The following GRIK3 variants were observed in gnomAD, a reference collection of about 807,000 sequenced individuals.
GRIK3 encodes the protein glutamate receptor ionotropic, kainate 3.
GRIK3 carries 29 observed loss-of-function variants against 102.5 expected under a neutral mutation model. That is an observed-to-expected ratio of 0.28 (90% confidence interval 0.21 to 0.39). The LOEUF is 0.39. Among genes scored for constraint, GRIK3 ranks in the 10% least tolerant of loss-of-function variants. GRIK3 has a pLI of 1.00. For synonymous variants in GRIK3, 511 were observed against 504.9 expected, an observed-to-expected ratio of 1.01 and a Z score of -0.16; for missense variants, 908 against 1,252.4, an observed-to-expected ratio of 0.73 and a Z score of 4.15.
intron 10 of GRIK3, among the ~76,000 whole-genome samples, chr1:36,832,002 C>T (rs911915304): frequency 1.1e-4 from 16 of 152,100 alleles, no homozygotes; most frequent in African/African-American, 3.4e-4. Flanking sequence ...TAGTGAATGC[C>T]GACTTCTGCT....
chr1:37,028,259 G>C (rs1642783940), intron 1 of GRIK3, among the ~76,000 whole-genome samples: 3 of 152,124 alleles, frequency 2.0e-5, no homozygotes, highest in Non-Finnish European at 4.4e-5. Context: ...CAATGTCTTT[G>C]AGGACAGCCT....
At chr1:36,851,222 C>T (rs904266086) in intron 8 of GRIK3, among the ~76,000 whole-genome samples, 1 of 152,220 alleles carries the variant, frequency 6.6e-6, no homozygotes, top group Non-Finnish European at 1.5e-5. Context: ...AAGAGAGCTG[C>T]GCAGAGCAGA....
At chr1:36,841,639 C>T (rs1640451543) in intron 10 of GRIK3, 97 bp downstream of exon 10, 3 of 1,026,398 alleles carry the variant, frequency 2.9e-6, no homozygotes, top group African/African-American at 1.6e-5. Context: ...GTCCCCAGGG[C>T]CTTTTTCTGC....
At chr1:37,008,990 A>G (rs1265438198) in intron 1 of GRIK3, among the ~76,000 whole-genome samples, 3 of 152,012 alleles carry the variant, frequency 2.0e-5, no homozygotes, top group Admixed American at 6.5e-5. Flanking sequence ...GTCAAATCCA[A>G]TCTCCACCAT....
chr1:36,859,361 A>G, intron 6 of GRIK3, 110 bp from the exon 7 acceptor site: 1 of 1,227,918 alleles, frequency 8.1e-7, no homozygotes, highest in South Asian at 1.5e-5. Context: ...TGTCCTGGTG[A>G]GCGAACAGGC....
intron 1 of GRIK3, among the ~76,000 whole-genome samples, chr1:37,009,739 A>G (rs1404315361): frequency 2.0e-5 from 3 of 152,180 alleles, no homozygotes; most frequent in Non-Finnish European, 4.4e-5. Flanking sequence ...TGAATCCATA[A>G]TGCATCGCAT....
At chr1:36,845,978 G>A (rs376528797) in intron 9 of GRIK3, among the ~76,000 whole-genome samples, 2 of 152,228 alleles carry the variant, frequency 1.3e-5, no homozygotes, top group African/African-American at 4.8e-5. Flanking sequence ...ATACCCGTGT[G>A]TAGCTGGTCC....
chr1:37,010,050 G>T (rs1019727590), intron 1 of GRIK3, among the ~76,000 whole-genome samples: 2 of 152,178 alleles, frequency 1.3e-5, no homozygotes, highest in Admixed American at 6.5e-5. Flanking sequence ...TGTATTTACC[G>T]ACATCTTTGG....
chr1:36,983,628 G>A (rs2124368604), intron 1 of GRIK3, among the ~76,000 whole-genome samples: 1 of 152,148 alleles, frequency 6.6e-6, no homozygotes, highest in East Asian at 1.9e-4. Flanking sequence ...GCAGAGCTAG[G>A]CCTTGAATCC....
intron 4 of GRIK3, among the ~76,000 whole-genome samples, chr1:36,870,348 A>C (rs914283786): frequency 6.6e-6 from 1 of 152,248 alleles, no homozygotes; most frequent in Non-Finnish European, 1.5e-5. Flanking sequence ...AAAGCAGGCC[A>C]CATGGCCACT....
chr1:36,855,270 T>G (rs1452199235), intron 7 of GRIK3, among the ~76,000 whole-genome samples: 2 of 152,192 alleles, frequency 1.3e-5, no homozygotes, highest in Non-Finnish European at 2.9e-5. Flanking sequence ...CTCCGAGCCA[T>G]GCTCCCTTGC....
Position 36,959,403 on chromosome 1 carries a change from G to A in GRIK3, c.116-68307C>T, listed in dbSNP as rs567105460. Among the ~76,000 whole-genome samples, 29 of 125,298 alleles carry A rather than the reference G, an allele frequency of 2.3e-4. 2 individuals carry two copies. The highest frequency in any genetic ancestry group is 7.0e-4 in the African/African-American group (25 of 35,624). 82.2% of individuals were successfully genotyped at this position (125,298 alleles called of 152,430 possible). A position where few individuals can be genotyped will look rare whatever the true frequency, so the allele number is the denominator to read the frequency against. On this transcript the variant is annotated intron_variant, in intron 1 of 15. Transcript: ENST00000373091. ...TGTGCCCTGTGAGCCTGCACCCCAT[G>A]AGCCTCTGTGATCTGTGAGTCTGTG...
rs570609228 is a variant in GRIK3, at chr1:36,880,097, A to T, written c.550+537T>A. Among the ~76,000 whole-genome samples the T allele has an allele frequency of 2.6e-5, 4 of 152,130 alleles. No homozygotes were observed. The highest frequency in any genetic ancestry group is 5.9e-5 in the Non-Finnish European group (4 of 68,028). The stretch of plus-strand genomic sequence containing the variant: ...CTTGTCACTGTCATCTTGTAATCCC[A>T]CATTTTACAGATTTACATTTTATAG... On this transcript the variant is annotated intron_variant, in intron 3 of 15. Transcript: ENST00000373091. This position sits in a 1 kb window ranked among gnomAD's most constrained non-coding sequence, Gnocchi z 5.4.
intron 1 of GRIK3, among the ~76,000 whole-genome samples, chr1:36,944,015 C>T (rs924131259): frequency 7.2e-5 from 11 of 152,220 alleles, no homozygotes; most frequent in African/African-American, 2.7e-4. Context: ...CCCTTGGTAG[C>T]TTCTTACCAA....
intron 1 of GRIK3, among the ~76,000 whole-genome samples, chr1:36,918,675 C>T (rs1039850063): frequency 6.6e-6 from 1 of 152,122 alleles, no homozygotes; most frequent in Non-Finnish European, 1.5e-5. Flanking sequence ...CAGACAATGC[C>T]AGTTGGTTTC....
At chr1:36,815,760 T>G (rs1642619536) in intron 13 of GRIK3, among the ~76,000 whole-genome samples, 2 of 150,576 alleles carry the variant, frequency 1.3e-5, no homozygotes. Flanking sequence ...GTTTCTTTCT[T>G]TCTTTTTTTT....
intron 1 of GRIK3, among the ~76,000 whole-genome samples, chr1:36,910,297 T>C (rs1258495801): frequency 6.6e-6 from 1 of 152,242 alleles, no homozygotes; most frequent in African/African-American, 2.4e-5. Context: ...GCTTTGTACT[T>C]TTTCTGAAGT....
At chr1:37,026,672 C>T (rs149315023) in intron 1 of GRIK3, among the ~76,000 whole-genome samples, 15 of 152,120 alleles carry the variant, frequency 9.9e-5, no homozygotes, top group South Asian at 4.1e-4. Context: ...TTCAACCTAA[C>T]GTTAATACTT....
intron 1 of GRIK3, among the ~76,000 whole-genome samples, chr1:36,954,374 G>A (rs562045989): frequency 2.0e-5 from 3 of 152,342 alleles, no homozygotes; most frequent in East Asian, 1.9e-4. Flanking sequence ...GAAGAGTCAC[G>A]GAATGCCTTT....
Sources: allele counts gnomAD v4.1 joint callset (sites outside exome capture counted in the v4.1 genomes callset), GRCh38; gene constraint gnomAD v4.1.1; non-coding constraint Gnocchi (gnomAD v3.1); transcripts MANE v1.5; gene names NCBI Gene and HGNC (gene_info 2026-07-23, HGNC 2026-07-21).